Variants in TRIM66 observed in about 807,000 individuals in gnomAD.
The protein encoded by TRIM66 is tripartite motif-containing protein 66.
A neutral mutation model predicts 148.2 loss-of-function variants in TRIM66; 99 were observed. The observed-to-expected ratio is 0.67, with a 90% CI of 0.57 to 0.79. The LOEUF (loss-of-function observed/expected upper bound fraction) is 0.79. Ranked by LOEUF, TRIM66 falls within the 30% of genes least tolerant of loss-of-function variation. The pLI is 0.00. For synonymous variants in TRIM66, 616 were observed against 635.9 expected, an observed-to-expected ratio of 0.97 and a Z score of 0.47; for missense variants, 1,666 against 1,697.9, an observed-to-expected ratio of 0.98 and a Z score of 0.33.
Position 8,628,945 on chromosome 11 carries a change from A to G in TRIM66, c.2311-3717T>C, listed in dbSNP as rs74616416. ...TGAGTTAAATATCTTTTATCTCTCC[A>G]AAGAAAAGTATGCTTTTTATATTTT... On this transcript the variant is annotated intron_variant, in intron 15 of 24. Transcript: ENST00000646038. Among the ~76,000 whole-genome samples, 1,099 of 152,336 alleles carry G rather than the reference A, an allele frequency of 7.2e-3. 6 individuals are homozygous for G. The highest frequency in any genetic ancestry group is 0.013 in the Non-Finnish European group (903 of 68,028).
rs552975454 is a variant in TRIM66, at chr11:8,640,927, G to C, written c.1448C>G (p.Pro483Arg). 6.4e-5 allele frequency: 100 copies of C among 1,550,950 alleles called. No homozygotes were observed. The African/African-American group carries it at 1.0e-3, about 15-fold the overall frequency. The part of the protein sequence containing the change: ...VSPSLKGQVP[P>R]PSIHPAHSFR... Reference sequence around the variant, plus strand: ...GCTGTGGGCTGGGTGTATGCTGGGTGGGGGGACCTGGCCTTTGAGGGAAGG... The same window carrying C: ...GCTGTGGGCTGGGTGTATGCTGGGTCGGGGGACCTGGCCTTTGAGGGAAGG... The change falls in exon 14 of 25, where the codon CCA (proline) becomes CGA (arginine). Residue 483 changes from proline (P) to arginine (R), a missense_variant. Around this residue, in one of 3 missense-constraint regions of TRIM66, gnomAD observed 1,431 missense variants for 1,412.4 expected, o/e 1.01. Transcript: ENST00000646038.
At chr11:8,666,993 G>A (rs1340242061) in intron 6 of TRIM66, among the ~76,000 whole-genome samples, 1 of 151,802 alleles carries the variant, frequency 6.6e-6, no homozygotes, top group African/African-American at 2.4e-5. Context: ...CTTTTTTTTT[G>A]TATTTTTAGT....
At chr11:8,619,323 A>G in intron 23 of TRIM66, 60 bp downstream of exon 23, 1 of 1,120,808 alleles carries the variant, frequency 8.9e-7, no homozygotes, top group Non-Finnish European at 1.2e-6. Flanking sequence ...AACCCTACCC[A>G]CCCATGACAG....
At chr11:8,646,000 C>G (rs534607717) in intron 11 of TRIM66, 113 bp from the exon 12 acceptor site, 24 of 1,041,968 alleles carry the variant, frequency 2.3e-5, no homozygotes, top group Non-Finnish European at 3.3e-5. Flanking sequence ...GAGACTACAC[C>G]CCTGAGAGGA....
At chr11:8,655,003 G>C (rs2037694930) in intron 6 of TRIM66, among the ~76,000 whole-genome samples, 1 of 152,128 alleles carries the variant, frequency 6.6e-6, no homozygotes, top group African/African-American at 2.4e-5. Flanking sequence ...TGGGATTACA[G>C]GCACCTGCCA....
At position 8,640,773 on chromosome 11, in the gene TRIM66, G is replaced by C; in HGVS notation, c.1602C>G (p.Thr534=). ...PPKLLQPWLE[T]QPPVEQESTS... is the part of the protein sequence containing the mutation. ...TGCTCTCCTGCTCCACGGGGGGCTG[G>C]GTTTCCAGCCAGGGCTGCAGCAGCT... is the stretch of plus-strand genomic sequence containing the variant. The change falls in exon 14 of 25, where the codon ACC becomes ACG. Residue 534 remains threonine, a synonymous_variant. Coordinates refer to ENST00000646038, the MANE Select transcript of TRIM66 (RefSeq NM_001388022.1). 6.4e-7 allele frequency: 1 copy of C among 1,551,306 alleles called. No individual in the cohort carries two copies. The highest frequency in any genetic ancestry group is 8.7e-7 in the Non-Finnish European group (1 of 1,147,000).
At chr11:8,660,713 C>A (rs138702784) in intron 6 of TRIM66, among the ~76,000 whole-genome samples, 1 of 152,164 alleles carries the variant, frequency 6.6e-6, no homozygotes, top group East Asian at 1.9e-4. Context: ...ATTCTGATTA[C>A]GGGGATTTTG....
chr11:8,678,860 T>C (rs966971023), intron 3 of TRIM66, among the ~76,000 whole-genome samples: 1 of 152,052 alleles, frequency 6.6e-6, no homozygotes, highest in Non-Finnish European at 1.5e-5. Context: ...TTCTTCAGGG[T>C]GATGATGTGT....
At chr11:8,682,749 C>A, upstream of TRIM66, 1 of 1,609,912 alleles carries the variant, frequency 6.2e-7, no homozygotes, top group Admixed American at 1.7e-5. Flanking sequence ...CGTTTTGCCC[C>A]GCCCCCGTGG....
At chr11:8,666,992 TG>T in intron 6 of TRIM66, among the ~76,000 whole-genome samples, 1 of 152,146 alleles carries the variant, frequency 6.6e-6, no homozygotes. Context: ...ACTTTTTTTT[TG>T]TATTTTTAGT....
chr11:8,668,349 C>T (rs1259041660), intron 6 of TRIM66, among the ~76,000 whole-genome samples: 1 of 151,134 alleles, frequency 6.6e-6, no homozygotes, highest in Non-Finnish European at 1.5e-5. Flanking sequence ...TTTTTCATGG[C>T]TTAAAACATC....
At chr11:8,671,447 A>G (rs936116503) in intron 6 of TRIM66, among the ~76,000 whole-genome samples, 3 of 152,186 alleles carry the variant, frequency 2.0e-5, no homozygotes, top group Non-Finnish European at 4.4e-5. Context: ...CTAGGAGGCC[A>G]GCCATTCTCT....
At chr11:8,657,795 G>A (rs1272312990) in intron 6 of TRIM66, among the ~76,000 whole-genome samples, 1 of 152,148 alleles carries the variant, frequency 6.6e-6, no homozygotes, top group Admixed American at 6.5e-5. Context: ...CAAGAAACAT[G>A]TTGCACCCAA....
chr11:8,651,833 A>G lies in TRIM66; in HGVS notation c.411T>C (p.His137=). The G allele has an allele frequency of 6.4e-7, 1 of 1,551,786 alleles. No individual in the cohort carries two copies. The highest frequency in any genetic ancestry group is 8.7e-7 in the Non-Finnish European group (1 of 1,147,006). ...TCTTGGGTTGCTCAGTAGGAACACAATGCAGAAAAAAATGTTCAGTTACAT... is the reference window on the plus strand; with the variant it reads ...TCTTGGGTTGCTCAGTAGGAACACAGTGCAGAAAAAAATGTTCAGTTACAT... ...TRDVTEHFFL[H]CVPTEQPKMA... Residue 137 remains histidine (H), a synonymous_variant, in exon 7 of 25, where the codon CAT becomes CAC. Coordinates refer to ENST00000646038, the MANE Select transcript of TRIM66 (RefSeq NM_001388022.1).
chr11:8,630,003 C>T (rs1194209065), intron 15 of TRIM66, among the ~76,000 whole-genome samples: 2 of 152,122 alleles, frequency 1.3e-5, no homozygotes, highest in Non-Finnish European at 1.5e-5. Flanking sequence ...TATACTATAT[C>T]GGCTCTCTAG....
At chr11:8,642,665 A>G (rs1000090916) in intron 13 of TRIM66, among the ~76,000 whole-genome samples, 1 of 152,034 alleles carries the variant, frequency 6.6e-6, no homozygotes, top group African/African-American at 2.4e-5. Context: ...ACACACATTC[A>G]TCTGTACTGC....
chr11:8,669,838 C>T (rs900839651), intron 6 of TRIM66, among the ~76,000 whole-genome samples: 12 of 152,056 alleles, frequency 7.9e-5, no homozygotes, highest in African/African-American at 2.9e-4. Flanking sequence ...TGAACCAAAC[C>T]TGACCATCTC....
intron 15 of TRIM66, among the ~76,000 whole-genome samples, chr11:8,635,567 C>T (rs2035802273): frequency 6.6e-6 from 1 of 152,158 alleles, no homozygotes; most frequent in African/African-American, 2.4e-5. Context: ...CAATCCAAAG[C>T]TTCCTCTAAG....
intron 6 of TRIM66, among the ~76,000 whole-genome samples, chr11:8,661,870 C>T (rs189327669): frequency 2.7e-4 from 41 of 152,256 alleles, no homozygotes; most frequent in East Asian, 1.5e-3. Flanking sequence ...ACAGCCATCT[C>T]GAGCTCCCTC....
Sources: allele counts gnomAD v4.1 joint callset (sites outside exome capture counted in the v4.1 genomes callset), GRCh38; gene constraint gnomAD v4.1.1; regional missense constraint gnomAD v4.1.1; transcripts MANE v1.5; gene names NCBI Gene and HGNC (gene_info 2026-07-23, HGNC 2026-07-21).